The following SBF2 variants were observed in gnomAD, a reference collection of about 807,000 sequenced individuals.
The protein encoded by SBF2 is SET binding factor 2.
SBF2 carries 112 observed loss-of-function variants against 225.2 expected under a neutral mutation model. The observed-to-expected ratio is 0.50, with a 90% CI of 0.43 to 0.58. The LOEUF is 0.58. SBF2 is among the 20% of genes least tolerant of loss of function. The probability of loss-of-function intolerance (pLI) is 0.00; values close to 1 mark genes in which losing one functional copy is unlikely to be tolerated. For missense variants in SBF2, 1,996 were observed against 2,206.2 expected (o/e 0.90, Z 1.91); for synonymous variants, 763 against 773.3 (o/e 0.99, Z 0.22).
At chr11:10,287,406 G>A (rs1033492540) in intron 1 of SBF2, among the ~76,000 whole-genome samples, 11 of 151,876 alleles carry the variant, frequency 7.2e-5, no homozygotes, top group Non-Finnish European at 1.5e-4. Flanking sequence ...CTTAGCATCC[G>A]AAGTAGCTGG....
At chr11:10,197,419 T>C (rs1042274857) in intron 1 of SBF2, among the ~76,000 whole-genome samples, 7 of 152,254 alleles carry the variant, frequency 4.6e-5, no homozygotes, top group Non-Finnish European at 1.0e-4. Context: ...GTCTATTAAG[T>C]GTGCAACAGC....
chr11:10,002,550 AC>A lies in SBF2; in HGVS notation c.752+6del. On this transcript the variant is annotated splice_donor_region_variant and intron_variant, in intron 7 of 39. Transcript: ENST00000256190. ...GAATAAATAAAATTAACAAATGAAA[AC>A]CTCACCTATATTTAAGAGGAAACAT... 1.9e-6 allele frequency: 3 copies of A among 1,606,116 alleles called. No homozygotes were observed. Among genetic ancestry groups the A allele is most frequent in the Non-Finnish European group, 2.6e-6 (3 of 1,173,254 alleles).
rs1266011383 is a variant in SBF2 at position 9,992,940 on chromosome 11, T to C, written c.1167+50A>G. 13 of 1,314,002 alleles carry C rather than the reference T, an allele frequency of 9.9e-6. No homozygotes were observed. In the Admixed American group the frequency reaches 2.4e-4, roughly 24 times the overall value. The allele number at this position is 1,314,002 out of a possible 1,614,324, so 81.4% of individuals were successfully genotyped here. On this transcript the variant is annotated intron_variant, in intron 11 of 39. Coordinates refer to ENST00000256190, the MANE Select transcript of SBF2 (RefSeq NM_030962.4). ...CGGAAAAAAAACCAAGTAGTTTTATTAAATTAGAATATATTTTTTGGACAG... is the reference window on the plus strand; with the variant it reads ...CGGAAAAAAAACCAAGTAGTTTTATCAAATTAGAATATATTTTTTGGACAG...
chr11:10,087,572 A>T (rs554380942), intron 2 of SBF2, among the ~76,000 whole-genome samples: 141 of 152,324 alleles, frequency 9.3e-4, no homozygotes, highest in Non-Finnish European at 1.8e-3. Flanking sequence ...CTGTTATGGT[A>T]AATAATACTC....
At chr11:9,785,925 G>A (rs1852343860) in intron 36 of SBF2, among the ~76,000 whole-genome samples, 1 of 152,094 alleles carries the variant, frequency 6.6e-6, no homozygotes, top group Non-Finnish European at 1.5e-5. Flanking sequence ...GGAGTACAGT[G>A]GCATGATCTC....
At chr11:10,150,125 T>C (rs1055258401) in intron 2 of SBF2, among the ~76,000 whole-genome samples, 1 of 152,106 alleles carries the variant, frequency 6.6e-6, no homozygotes, top group African/African-American at 2.4e-5. Context: ...TGAACAAAAA[T>C]TGCATACTCT....
At chr11:9,860,291 C>T (rs1857629222) in intron 17 of SBF2, among the ~76,000 whole-genome samples, 2 of 124,822 alleles carry the variant, frequency 1.6e-5, no homozygotes. Flanking sequence ...GAGACAAGGT[C>T]TGGCTTTGTT....
intron 1 of SBF2, among the ~76,000 whole-genome samples, chr11:10,223,283 C>T (rs1332520426): frequency 1.3e-5 from 2 of 150,352 alleles, no homozygotes; most frequent in Non-Finnish European, 3.0e-5. Context: ...GTTAGGAACC[C>T]CAACCCCTAG....
At chr11:10,202,717 G>A (rs987832073) in intron 1 of SBF2, among the ~76,000 whole-genome samples, 8 of 152,196 alleles carry the variant, frequency 5.3e-5, no homozygotes, top group African/African-American at 1.7e-4. Context: ...GAACCCGGGA[G>A]GCGGAGCTTG....
chr11:9,810,801 G>A (rs1341625507), intron 30 of SBF2: 2 of 152,172 alleles, frequency 1.3e-5, no homozygotes, highest in Non-Finnish European at 2.9e-5. Flanking sequence ...AAAGTAGTTT[G>A]GTGATTTCTC....
chr11:9,912,551 C>T (rs145245209), intron 16 of SBF2, among the ~76,000 whole-genome samples: 2,262 of 152,254 alleles, frequency 0.015, 62 homozygotes, highest in African/African-American at 0.051. Context: ...CACTGCACTC[C>T]AGCCTGGGCA....
chr11:9,929,793 A>T (rs1418198587), intron 16 of SBF2, among the ~76,000 whole-genome samples: 1 of 152,254 alleles, frequency 6.6e-6, no homozygotes, highest in Non-Finnish European at 1.5e-5. Flanking sequence ...CACAACCAGC[A>T]GGATGCAGAA....
At chr11:10,234,207 G>A (rs1958970005) in intron 1 of SBF2, among the ~76,000 whole-genome samples, 1 of 152,114 alleles carries the variant, frequency 6.6e-6, no homozygotes, top group Admixed American at 6.5e-5. Flanking sequence ...GTATGCAGAG[G>A]ATTTGAGATG....
At chr11:10,065,484 T>C (rs1950594467) in intron 2 of SBF2, among the ~76,000 whole-genome samples, 1 of 151,806 alleles carries the variant, frequency 6.6e-6, no homozygotes, top group African/African-American at 2.4e-5. Flanking sequence ...TTCTTTGAGA[T>C]AAAAAAAACT....
At chr11:10,102,293 C>T (rs915574694) in intron 2 of SBF2, among the ~76,000 whole-genome samples, 1 of 152,180 alleles carries the variant, frequency 6.6e-6, no homozygotes, top group African/African-American at 2.4e-5. Context: ...AAGAGTAAGA[C>T]CTCATCTGCA....
At chr11:9,878,770 G>A (rs1859502227) in intron 17 of SBF2, among the ~76,000 whole-genome samples, 1 of 152,142 alleles carries the variant, frequency 6.6e-6, no homozygotes, top group Non-Finnish European at 1.5e-5. Flanking sequence ...TGTCACCCAA[G>A]AGTATAATAA....
At chr11:9,880,258 G>A (rs80005285) in intron 17 of SBF2, among the ~76,000 whole-genome samples, 160 of 152,216 alleles carry the variant, frequency 1.1e-3, no homozygotes, top group African/African-American at 3.7e-3. Flanking sequence ...AACTATATCT[G>A]GCTGAGTATG....
chr11:10,083,373 G>A (rs1565210477), intron 2 of SBF2, among the ~76,000 whole-genome samples: 1 of 152,106 alleles, frequency 6.6e-6, no homozygotes, highest in South Asian at 2.1e-4. Flanking sequence ...CACAGAATTA[G>A]AAAAAATAAT....
chr11:10,271,008 A>G (rs1402735295), intron 1 of SBF2, among the ~76,000 whole-genome samples: 1 of 150,224 alleles, frequency 6.7e-6, no homozygotes, highest in Non-Finnish European at 1.5e-5. Context: ...AAAAAAAAAA[A>G]AAAAAAAAAA....
Sources: gnomAD v4.1 joint callset for allele counts (sites outside exome capture counted in the v4.1 genomes callset) on GRCh38, gnomAD v4.1.1 for gene constraint, MANE v1.5 for transcripts, NCBI Gene and HGNC (gene_info 2026-07-23, HGNC 2026-07-21) for gene names.